SUMF1: variants seen among roughly 807,000 people sequenced by gnomAD.
SUMF1 encodes the protein sulfatase modifying factor 1.
Under a neutral mutation model 47.6 loss-of-function variants are expected in SUMF1, and 48 were observed. The observed-to-expected ratio is 1.01, with a 90% CI of 0.80 to 1.28. The LOEUF is 1.28. SUMF1 is among the 50% of genes most tolerant of loss of function. The pLI is 0.00. For synonymous variants in SUMF1, 230 were observed against 192.1 expected (o/e 1.20, Z -1.63); for missense variants, 571 against 485.4 (o/e 1.18, Z -1.66).
At chr3:4,367,199 C>T (rs1044102723) in intron 8 of SUMF1, among the ~76,000 whole-genome samples, 1 of 152,178 alleles carries the variant, frequency 6.6e-6, no homozygotes, top group African/African-American at 2.4e-5. Flanking sequence ...GGCAGTCTGC[C>T]CATTCTCAGA....
chr3:4,359,023 G>A (rs967934227), downstream of SUMF1, among the ~76,000 whole-genome samples: 3 of 152,168 alleles, frequency 2.0e-5, no homozygotes, highest in African/African-American at 7.2e-5. Flanking sequence ...TAAGTTTTGA[G>A]TAATCTGCCT....
chr3:4,112,273 T>C (rs1274226146), intron 8 of SUMF1, among the ~76,000 whole-genome samples: 2 of 152,090 alleles, frequency 1.3e-5, no homozygotes, highest in East Asian at 3.8e-4. Context: ...GAACAAAACA[T>C]TTCTAAGCCC....
intron 8 of SUMF1, among the ~76,000 whole-genome samples, chr3:4,177,326 C>A (rs1694988698): frequency 2.0e-5 from 3 of 152,000 alleles, no homozygotes; most frequent in African/African-American, 4.8e-5. Context: ...GAAAAGAAAT[C>A]ACAAAAAACT....
At chr3:4,247,389 C>A (rs1011909329) in intron 8 of SUMF1, among the ~76,000 whole-genome samples, 1 of 152,150 alleles carries the variant, frequency 6.6e-6, no homozygotes. Flanking sequence ...CCCCATATTA[C>A]CAATAAACAT....
intron 7 of SUMF1, among the ~76,000 whole-genome samples, chr3:4,405,413 G>A (rs1358949321): frequency 6.6e-6 from 1 of 152,138 alleles, no homozygotes; most frequent in African/African-American, 2.4e-5. Flanking sequence ...TTGAGACTGG[G>A]TCTGGCTCTG....
chr3:4,427,758 T>C (rs770524986), intron 3 of SUMF1, among the ~76,000 whole-genome samples: 5 of 152,190 alleles, frequency 3.3e-5, no homozygotes, highest in Non-Finnish European at 5.9e-5. Context: ...CAGTAATCAG[T>C]ACACTCAAAA....
At chr3:4,452,804 T>G in intron 2 of SUMF1, 72 bp downstream of exon 2, 1 of 1,567,006 alleles carries the variant, frequency 6.4e-7, no homozygotes, top group South Asian at 1.1e-5. Flanking sequence ...CAGTCAATCT[T>G]AGCTGCTATT....
chr3:4,361,854 G>A lies in SUMF1; in HGVS notation c.*290C>T, dbSNP rs1232274173. ...CCCTGTGGCAGAGCCTGCGTAGGACGCGGGCCTCCTGAAGCCTAGCTCAGG... is the reference window on the plus strand; with the variant it reads ...CCCTGTGGCAGAGCCTGCGTAGGACACGGGCCTCCTGAAGCCTAGCTCAGG... On this transcript the variant is annotated 3_prime_UTR_variant, in exon 9 of 9. Coordinates refer to ENST00000272902, the MANE Select transcript of SUMF1 (RefSeq NM_182760.4). 10 of 412,138 alleles carry A rather than the reference G, an allele frequency of 2.4e-5. No homozygotes were observed. Among genetic ancestry groups the A allele is most frequent in the East Asian group, 1.1e-4 (2 of 19,002 alleles). The allele number at this position is 412,138 out of a possible 1,614,324, so 25.5% of individuals were successfully genotyped here. A position where few individuals can be genotyped will look rare whatever the true frequency, so the allele number is the denominator to read the frequency against.
Position 4,467,014 on chromosome 3 carries a change from C to G in SUMF1, c.232G>C (p.Gly78Arg). 2 of 1,593,858 alleles carry G rather than the reference C, an allele frequency of 1.3e-6. No individual in the cohort carries two copies. Among genetic ancestry groups the G allele is most frequent in the Non-Finnish European group, 1.7e-6 (2 of 1,172,000 alleles). The change falls in exon 1 of 9, where the codon GGC (glycine) becomes CGC (arginine). Residue 78 changes from glycine (G) to arginine (R), a missense_variant. Gly to Arg is a moderately radical substitution (Grantham distance 125, BLOSUM62 -2). Coordinates refer to ENST00000272902, the MANE Select transcript of SUMF1 (RefSeq NM_182760.4). ...AGTTGCCGCTCTCCGGGTACGGGGC[C>G]CGGAGCGTTAGCCTCCCGCGAGTAT... ...HRYSREANAP[G>R]PVPGERQLAH...
chr3:4,337,029 C>A lies in SUMF1; in HGVS notation c.1014+39301G>T, dbSNP rs531530131. ...CATGCTCTTACCCTTGCCTTCTTTG[C>A]AAAACACTCTGGATTTTCTTTGTCC... On this transcript the variant is annotated intron_variant and NMD_transcript_variant, in intron 8 of 12. Transcript: ENST00000448413. 9.2e-5 allele frequency among the ~76,000 whole-genome samples: 14 copies of A among 152,308 alleles called. 1 individual carries two copies. In the South Asian group the frequency reaches 2.7e-3, roughly 29 times the overall value.
intron 9 of SUMF1, among the ~76,000 whole-genome samples, chr3:4,044,747 T>G (rs888758124): frequency 6.6e-6 from 1 of 152,206 alleles, no homozygotes; most frequent in Non-Finnish European, 1.5e-5. Context: ...GATGAGACTT[T>G]TAGATCAGGA....
chr3:4,262,561 C>T lies in SUMF1; in HGVS notation c.1014+113769G>A, dbSNP rs563025292. Among the ~76,000 whole-genome samples the T allele has an allele frequency of 3.9e-5, 6 of 152,312 alleles. No homozygotes were observed. In the South Asian group the frequency reaches 1.2e-3, roughly 32 times the overall value. On this transcript the variant is annotated intron_variant and NMD_transcript_variant, in intron 8 of 12. Transcript: ENST00000448413. ...GATCCCTCTCTGGCTCCTGGCTCCG[C>T]TTTCCCCCATGTGGCTCCATTCTTA... is the stretch of plus-strand genomic sequence containing the variant.
chr3:4,149,985 G>C (rs1279916027), intron 8 of SUMF1, among the ~76,000 whole-genome samples: 1 of 152,070 alleles, frequency 6.6e-6, no homozygotes, highest in African/African-American at 2.4e-5. Context: ...TGGAGATTTG[G>C]TTTACTGATT....
chr3:4,049,898 G>A (rs907782778), intron 9 of SUMF1, among the ~76,000 whole-genome samples: 1 of 152,052 alleles, frequency 6.6e-6, no homozygotes, highest in South Asian at 2.1e-4. Flanking sequence ...TGAGACGAAT[G>A]GGGAGCTGGA....
At position 4,085,714 on chromosome 3, in the gene SUMF1, T is replaced by C. The variant is rs79732734; in HGVS notation, c.1015-16969A>G. Among the ~76,000 whole-genome samples the C allele has an allele frequency of 8.8e-3, 1,336 of 152,230 alleles. 22 individuals are homozygous for C. Among genetic ancestry groups the C allele is most frequent in the African/African-American group, 0.031 (1,283 of 41,506 alleles). On this transcript the variant is annotated intron_variant and NMD_transcript_variant, in intron 8 of 12. Transcript: ENST00000448413. ...ATATATAAATGCTACAGAGACTTAG[T>C]ATTTTTTGTTCTACTTTGTCCTTCT... is the stretch of plus-strand genomic sequence containing the variant.
intron 8 of SUMF1, among the ~76,000 whole-genome samples, chr3:4,115,293 C>G (rs1343535166): frequency 2.0e-5 from 3 of 152,096 alleles, no homozygotes; most frequent in Non-Finnish European, 2.9e-5. Context: ...TCGCTGAGAG[C>G]TACTTCTACT....
At chr3:4,057,766 G>A (rs770818096) in intron 9 of SUMF1, among the ~76,000 whole-genome samples, 2 of 152,148 alleles carry the variant, frequency 1.3e-5, no homozygotes, top group African/African-American at 4.8e-5. Flanking sequence ...TAGGTGCAAG[G>A]TAGGCTGGCA....
At chr3:4,232,128 T>C (rs1196271831) in intron 8 of SUMF1, among the ~76,000 whole-genome samples, 1 of 152,184 alleles carries the variant, frequency 6.6e-6, no homozygotes, top group Middle Eastern at 3.4e-3. Context: ...AAGTTCTTAT[T>C]TGTAAGCAGC....
At chr3:4,307,969 G>A (rs1013640285) in intron 8 of SUMF1, among the ~76,000 whole-genome samples, 1 of 152,006 alleles carries the variant, frequency 6.6e-6, no homozygotes, top group African/African-American at 2.4e-5. Context: ...CCCAGCAGTT[G>A]GAGCCTGCAG....
Sources: gnomAD v4.1 joint callset for allele counts (sites outside exome capture counted in the v4.1 genomes callset) on GRCh38, gnomAD v4.1.1 for gene constraint, MANE v1.5 for transcripts, NCBI Gene and HGNC (gene_info 2026-07-23, HGNC 2026-07-21) for gene names.